Variants in SGCZ observed in about 807,000 individuals in gnomAD.
SGCZ encodes zeta-sarcoglycan.
In SGCZ, 40 loss-of-function variants were observed where a neutral mutation model predicts 41.3. That is an observed-to-expected ratio of 0.97 (90% CI 0.75 to 1.26). The LOEUF (loss-of-function observed/expected upper bound fraction) is 1.26. SGCZ is among the 50% of genes most tolerant of loss of function. The probability of loss-of-function intolerance (pLI) is 0.00; values close to 1 mark genes in which losing one functional copy is unlikely to be tolerated. For synonymous variants in SGCZ, 206 were observed against 137.5 expected (o/e 1.50, Z -3.49); for missense variants, 552 against 369.8 (o/e 1.49, Z -4.04).
intron 3 of SGCZ, among the ~76,000 whole-genome samples, chr8:14,251,048 C>T (rs1055662632): frequency 3.3e-5 from 5 of 152,074 alleles, no homozygotes; most frequent in Admixed American, 2.0e-4. Context: ...GCCAACATGG[C>T]GAAACCCCGT....
At chr8:14,136,247 G>A (rs1016211787) in intron 5 of SGCZ, among the ~76,000 whole-genome samples, 6 of 152,172 alleles carry the variant, frequency 3.9e-5, no homozygotes, top group Admixed American at 1.3e-4. Context: ...GCAGAAGACA[G>A]GTGATTTCTG....
intron 1 of SGCZ, among the ~76,000 whole-genome samples, chr8:15,206,814 G>T (rs1046286125): frequency 1.3e-5 from 2 of 151,854 alleles, no homozygotes; most frequent in African/African-American, 4.8e-5. Flanking sequence ...CTAAGATTTC[G>T]TTCATAATGG....
chr8:14,139,564 T>C (rs779022324), intron 5 of SGCZ, among the ~76,000 whole-genome samples: 5 of 152,104 alleles, frequency 3.3e-5, no homozygotes, highest in Non-Finnish European at 7.4e-5. Flanking sequence ...TAAACACCTC[T>C]ACACAAATAA....
chr8:14,352,915 A>T (rs561088981), intron 2 of SGCZ, among the ~76,000 whole-genome samples: 3 of 152,218 alleles, frequency 2.0e-5, no homozygotes, highest in East Asian at 3.9e-4. Flanking sequence ...TGATCTCTGC[A>T]TACATATCAT....
intron 1 of SGCZ, among the ~76,000 whole-genome samples, chr8:14,614,992 G>GTA (rs1378473477): frequency 8.1e-6 from 1 of 122,752 alleles, no homozygotes; most frequent in African/African-American, 2.7e-5. Context: ...ATATGTGTGT[G>GTA]TATATATGTG....
intron 1 of SGCZ, among the ~76,000 whole-genome samples, chr8:14,793,672 C>T (rs1279189107): frequency 6.6e-6 from 1 of 152,038 alleles, no homozygotes; most frequent in East Asian, 1.9e-4. Context: ...AAGGGGATTG[C>T]AAATGGGTAG....
intron 2 of SGCZ, among the ~76,000 whole-genome samples, chr8:14,554,305 G>T (rs1477126244): frequency 6.6e-6 from 1 of 151,982 alleles, no homozygotes; most frequent in Non-Finnish European, 1.5e-5. Context: ...AGCAGATATA[G>T]AGATATATAA....
At chr8:14,940,780 T>C (rs889376658) in intron 1 of SGCZ, among the ~76,000 whole-genome samples, 1 of 151,996 alleles carries the variant, frequency 6.6e-6, no homozygotes, top group East Asian at 1.9e-4. Flanking sequence ...TGTGTACACA[T>C]GGTCAAAGAC....
chr8:14,356,856 T>C (rs1401682698), intron 2 of SGCZ, among the ~76,000 whole-genome samples: 2 of 152,108 alleles, frequency 1.3e-5, no homozygotes, highest in African/African-American at 4.8e-5. Flanking sequence ...ATATTTTTTC[T>C]AATTGCAATT....
intron 2 of SGCZ, among the ~76,000 whole-genome samples, chr8:14,482,279 G>A (rs3848993): frequency 0.73 from 111,543 of 152,032 alleles, 41,827 homozygotes; most frequent in East Asian, 0.95. Context: ...TCAAGACTGC[G>A]TAAACCTGTG....
chr8:14,152,641 G>A (rs1219737649), intron 5 of SGCZ, among the ~76,000 whole-genome samples: 1 of 152,108 alleles, frequency 6.6e-6, no homozygotes, highest in African/African-American at 2.4e-5. Context: ...AACAAAACTT[G>A]CATCCACCAT....
chr8:14,754,803 A>G (rs73531145), intron 1 of SGCZ, among the ~76,000 whole-genome samples: 2,693 of 152,246 alleles, frequency 0.018, 79 homozygotes, highest in African/African-American at 0.061. Context: ...CCTGGGCTCA[A>G]GCAATCCTCA....
intron 1 of SGCZ, among the ~76,000 whole-genome samples, chr8:14,876,064 C>G (rs923527622): frequency 2.6e-5 from 4 of 152,114 alleles, no homozygotes; most frequent in African/African-American, 9.7e-5. Context: ...CTATTCCCAT[C>G]CCCCTGTCTC....
At chr8:15,170,738 G>A (rs1459671141) in intron 1 of SGCZ, among the ~76,000 whole-genome samples, 3 of 152,120 alleles carry the variant, frequency 2.0e-5, no homozygotes, top group Non-Finnish European at 4.4e-5. Context: ...TAGTATCTTT[G>A]TATATAGTCT....
chr8:15,130,102 A>C (rs553798222), intron 1 of SGCZ, among the ~76,000 whole-genome samples: 2 of 152,194 alleles, frequency 1.3e-5, no homozygotes, highest in East Asian at 3.9e-4. Flanking sequence ...CTGTAATGAT[A>C]TTTGAGGCCC....
chr8:14,666,750 GC>G (rs1310459174), intron 1 of SGCZ, among the ~76,000 whole-genome samples: 3 of 151,546 alleles, frequency 2.0e-5, no homozygotes, highest in Non-Finnish European at 4.4e-5. Context: ...ACAAAACTAG[GC>G]CACATTTAAT....
intron 1 of SGCZ, among the ~76,000 whole-genome samples, chr8:15,072,001 G>A (rs1250551013): frequency 6.6e-6 from 1 of 152,074 alleles, no homozygotes; most frequent in African/African-American, 2.4e-5. Context: ...CAGCTCCACG[G>A]ATCTCTACTG....
chr8:14,586,132 G>A (rs777465554), intron 1 of SGCZ, among the ~76,000 whole-genome samples: 3 of 152,070 alleles, frequency 2.0e-5, no homozygotes, highest in Admixed American at 6.5e-5. Context: ...CATAATCATC[G>A]TTGTCTTAGA....
chr8:15,039,410 C>A (rs901225265), intron 1 of SGCZ, among the ~76,000 whole-genome samples: 2 of 152,126 alleles, frequency 1.3e-5, no homozygotes, highest in Non-Finnish European at 2.9e-5. Flanking sequence ...TTACATGTGG[C>A]ATCTAAAACA....
Sources: gnomAD v4.1 joint callset for allele counts (sites outside exome capture counted in the v4.1 genomes callset) on GRCh38, gnomAD v4.1.1 for gene constraint, MANE v1.5 for transcripts, NCBI Gene and HGNC (gene_info 2026-07-23, HGNC 2026-07-21) for gene names.